The following HSPA4 variants were observed in gnomAD, a reference collection of about 807,000 sequenced individuals.
HSPA4 encodes heat shock protein family A (Hsp70) member 4.
In HSPA4, 25 loss-of-function variants were observed where a neutral mutation model predicts 106.2. The ratio of observed to expected loss-of-function variants is 0.24; its 90% CI spans 0.17 to 0.33. HSPA4 has a LOEUF of 0.33. Among genes scored for constraint, HSPA4 ranks in the 10% least tolerant of loss-of-function variants. HSPA4 has a pLI of 1.00. For synonymous variants in HSPA4, 332 were observed against 333.6 expected, an observed-to-expected ratio of 1.00 and a Z score of 0.05; for missense variants, 841 against 996.0, an observed-to-expected ratio of 0.84 and a Z score of 2.10.
chr5:133,054,236 T>A (rs1174285125), intron 1 of HSPA4, among the ~76,000 whole-genome samples: 1 of 151,930 alleles, frequency 6.6e-6, no homozygotes, highest in Admixed American at 6.6e-5. Context: ...GGAGTCTTAC[T>A]CTGTTCCCTA....
At chr5:133,091,508 C>T (rs1765647042) in intron 12 of HSPA4, 134 bp downstream of exon 12, 5 of 613,984 alleles carry the variant, frequency 8.1e-6, no homozygotes, top group Non-Finnish European at 1.4e-5. Flanking sequence ...TATGTTTGCC[C>T]TTCCCCCAAT....
rs1765083130 is a variant in HSPA4 at position 133,052,040 on chromosome 5, GCCT to G, written c.-206_-204del. ...GATCTTCTCCGCCCCCGCTACCGGCGCCTCCTCTGCGGCCACTGAGCCGGAGCC... is the reference window on the plus strand; with the variant it reads ...GATCTTCTCCGCCCCCGCTACCGGCGCCTCTGCGGCCACTGAGCCGGAGCC... On this transcript the variant is annotated 5_prime_UTR_variant, in exon 1 of 19. Coordinates refer to ENST00000304858, the MANE Select transcript of HSPA4 (RefSeq NM_002154.4). 2 of 527,092 alleles carry G rather than the reference GCCT, an allele frequency of 3.8e-6. No individual in the cohort carries two copies. Among genetic ancestry groups the G allele is most frequent in the Admixed American group, 3.6e-5 (1 of 27,512 alleles). 32.7% of individuals were successfully genotyped at this position (527,092 alleles called of 1,614,324 possible).
chr5:133,081,648 T>A (rs1286626119), intron 7 of HSPA4, among the ~76,000 whole-genome samples: 7 of 152,190 alleles, frequency 4.6e-5, no homozygotes, highest in Admixed American at 4.6e-4. Context: ...TTATATACCC[T>A]TTTGTTTCCT....
chr5:133,073,856 G>C (rs1030755818), intron 5 of HSPA4, 137 bp from the exon 6 acceptor site: 12 of 512,948 alleles, frequency 2.3e-5, no homozygotes, highest in Non-Finnish European at 3.9e-5. Context: ...AAATTATACA[G>C]TGCTTATAAA....
At chr5:133,100,476 A>C (rs1033578598) in intron 16 of HSPA4, among the ~76,000 whole-genome samples, 11 of 151,880 alleles carry the variant, frequency 7.2e-5, no homozygotes, top group Admixed American at 1.3e-4. Context: ...GGCTCACTGC[A>C]AGCTCCGCCT....
intron 13 of HSPA4, among the ~76,000 whole-genome samples, 200 bp downstream of exon 13, chr5:133,092,989 T>A (rs1765669248): frequency 6.7e-6 from 1 of 149,284 alleles, no homozygotes; most frequent in Non-Finnish European, 1.5e-5. Flanking sequence ...GCAGCTATTT[T>A]TTTTTTTTTT....
intron 6 of HSPA4, among the ~76,000 whole-genome samples, chr5:133,074,944 G>A (rs1266652282): frequency 2.0e-5 from 3 of 152,172 alleles, no homozygotes; most frequent in Admixed American, 6.5e-5. Flanking sequence ...TATTTGAATT[G>A]TATATTAAAA....
At chr5:133,076,541 T>A in intron 6 of HSPA4, 113 bp from the exon 7 acceptor site, 2 of 917,390 alleles carry the variant, frequency 2.2e-6, no homozygotes, top group Non-Finnish European at 3.3e-6. Flanking sequence ...GTTTTAACCT[T>A]AATGTAACCC....
chr5:133,061,042 A>G (rs1206489132), intron 1 of HSPA4, among the ~76,000 whole-genome samples: 1 of 151,628 alleles, frequency 6.6e-6, no homozygotes, highest in Admixed American at 6.6e-5. Flanking sequence ...TTTCATTAAG[A>G]CTTGGTACGT....
intron 13 of HSPA4, among the ~76,000 whole-genome samples, chr5:133,093,802 A>G (rs1333655358): frequency 6.6e-6 from 1 of 152,150 alleles, no homozygotes; most frequent in Non-Finnish European, 1.5e-5. Context: ...ACTTTTAATA[A>G]AAAGGCATGG....
intron 17 of HSPA4, among the ~76,000 whole-genome samples, chr5:133,103,525 A>G (rs905559898): frequency 3.3e-5 from 5 of 152,152 alleles, no homozygotes; most frequent in African/African-American, 7.2e-5. Flanking sequence ...CCGAACTAGC[A>G]TGCTGAAACT....
intron 16 of HSPA4, 81 bp downstream of exon 16, chr5:133,099,733 CAAGT>C: frequency 1.6e-6 from 1 of 611,952 alleles, no homozygotes; most frequent in Non-Finnish European, 3.0e-6. Context: ...GAGGAATTCT[CAAGT>C]AAAGACAGAC....
Position 133,095,996 on chromosome 5 carries a change from G to C in HSPA4, c.1651-102G>C, listed in dbSNP as rs942534184. On this transcript the variant is annotated intron_variant, in intron 13 of 18. Coordinates refer to ENST00000304858, the MANE Select transcript of HSPA4 (RefSeq NM_002154.4). ...AGTTACTTAGATCATCATCAAAAGAGAACGAAGTAAAAAAAGCAAAAACAG... is the reference window on the plus strand; with the variant it reads ...AGTTACTTAGATCATCATCAAAAGACAACGAAGTAAAAAAAGCAAAAACAG... The C allele has an allele frequency of 3.3e-6, 3 of 904,316 alleles. No homozygotes were observed. In the African/African-American group the frequency reaches 5.1e-5, roughly 15 times the overall value. 56.0% of individuals were successfully genotyped at this position (904,316 alleles called of 1,614,324 possible).
At chr5:133,099,029 C>T (rs937928613) in intron 15 of HSPA4, among the ~76,000 whole-genome samples, 4 of 152,204 alleles carry the variant, frequency 2.6e-5, no homozygotes, top group Non-Finnish European at 5.9e-5. Flanking sequence ...AAGCCCTCCA[C>T]GGCAGGGAGA....
At chr5:133,095,507 G>T (rs975946747) in intron 13 of HSPA4, among the ~76,000 whole-genome samples, 6 of 152,184 alleles carry the variant, frequency 3.9e-5, no homozygotes, top group Non-Finnish European at 5.9e-5. Context: ...TGTGGACAGG[G>T]TGCAGTGGAA....
Position 133,055,950 on chromosome 5 carries a change from C to G in HSPA4, c.107+3593C>G, listed in dbSNP as rs77522796. On this transcript the variant is annotated intron_variant, in intron 1 of 18. Transcript: ENST00000304858. ...AAAATTAGCTGGGTGTGGTGGCGGGCGCCTGTGGTCCCAGCTACTCTGGAG... is the reference window on the plus strand; with the variant it reads ...AAAATTAGCTGGGTGTGGTGGCGGGGGCCTGTGGTCCCAGCTACTCTGGAG... Among the ~76,000 whole-genome samples the G allele has an allele frequency of 3.3e-5, 5 of 152,098 alleles. No individual in the cohort carries two copies. In the East Asian group the frequency reaches 9.7e-4, roughly 29 times the overall value.
At position 133,105,555 on chromosome 5, in the gene HSPA4, CCT is replaced by C. The variant is rs2126720259; in HGVS notation, c.*1122_*1123del. On this transcript the variant is annotated 3_prime_UTR_variant, in exon 19 of 19. Transcript: ENST00000304858. ...CCAATGTCAGGTATACCAAAGCATT[CCT>C]CTGACTGCTTTTTGGGGCAGTGTTG... The C allele has an allele frequency of 6.6e-6, 1 of 152,274 alleles. No individual in the cohort carries two copies. The highest frequency in any genetic ancestry group is 2.1e-4 in the South Asian group (1 of 4,822). The allele number at this position is 152,274 out of a possible 1,614,324, so 9.4% of individuals were successfully genotyped here. A position where few individuals can be genotyped will look rare whatever the true frequency, so the allele number is the denominator to read the frequency against.
At chr5:133,067,052 G>T (rs746062710) in intron 2 of HSPA4, among the ~76,000 whole-genome samples, 3 of 151,952 alleles carry the variant, frequency 2.0e-5, no homozygotes, top group African/African-American at 7.3e-5. Flanking sequence ...TTGCTGAGTT[G>T]GTTCCTGGAA....
chr5:133,068,100 G>C (rs1561577889), intron 3 of HSPA4, among the ~76,000 whole-genome samples: 1 of 151,840 alleles, frequency 6.6e-6, no homozygotes, highest in Non-Finnish European at 1.5e-5. Flanking sequence ...CACTGTGTTG[G>C]CCAGGTTGGT....
Sources: allele counts gnomAD v4.1 joint callset (sites outside exome capture counted in the v4.1 genomes callset), GRCh38; gene constraint gnomAD v4.1.1; transcripts MANE v1.5; gene names NCBI Gene and HGNC (gene_info 2026-07-23, HGNC 2026-07-21).